ASRGL1: variants seen among roughly 807,000 people sequenced by gnomAD.
The protein encoded by ASRGL1 is isoaspartyl peptidase/L-asparaginase.
A neutral mutation model predicts 22.4 loss-of-function variants in ASRGL1; 16 were observed. The ratio of observed to expected loss-of-function variants is 0.71; its 90% CI spans 0.48 to 1.08. The LOEUF (loss-of-function observed/expected upper bound fraction) is 1.08, where lower values mean the gene tolerates loss of function less well. Ranked by LOEUF, ASRGL1 falls within the 50% of genes least tolerant of loss-of-function variation. The pLI, the probability that ASRGL1 is intolerant of heterozygous loss-of-function variation, is 0.00. For missense variants in ASRGL1, 412 were observed against 410.1 expected (o/e 1.00, Z -0.04); for synonymous variants, 165 against 159.3 (o/e 1.04, Z -0.27).
chr11:62,340,662 G>A (rs547279773), intron 2 of ASRGL1, among the ~76,000 whole-genome samples: 50 of 152,186 alleles, frequency 3.3e-4, no homozygotes, highest in Non-Finnish European at 5.4e-4. Context: ...CCTCTATTCC[G>A]CATATTGAGG....
rs1394552734 is a variant in ASRGL1, at chr11:62,373,180, C to T, written c.492-15953C>T. ...TACAGCCCCCAAACCCTCTGATGCT[C>T]CCAGAGACTCCTCCGACTCCACACC... On this transcript the variant is annotated intron_variant, in intron 4 of 6. Coordinates refer to ENST00000415229, the MANE Select transcript of ASRGL1 (RefSeq NM_001083926.2). 4.8e-5 allele frequency: 53 copies of T among 1,110,238 alleles called. 1 individual carries two copies. The Middle Eastern group carries it at 8.4e-4, about 18-fold the overall frequency. 68.8% of individuals were successfully genotyped at this position (1,110,238 alleles called of 1,614,324 possible).
intron 2 of ASRGL1, among the ~76,000 whole-genome samples, chr11:62,338,943 AAAAAAACT>A (rs1489082539): frequency 6.6e-6 from 1 of 151,590 alleles, no homozygotes; most frequent in Non-Finnish European, 1.5e-5. Context: ...AAAAAAAAAA[AAAAAAACT>A]GAAAAAAGAA....
intron 2 of ASRGL1, among the ~76,000 whole-genome samples, chr11:62,352,653 G>A (rs770922850): frequency 6.6e-6 from 1 of 152,176 alleles, no homozygotes; most frequent in Non-Finnish European, 1.5e-5. Context: ...TACAATCTGA[G>A]AGTATCTTGG....
At chr11:62,346,671 A>C (rs1207973038) in intron 2 of ASRGL1, among the ~76,000 whole-genome samples, 3 of 152,078 alleles carry the variant, frequency 2.0e-5, no homozygotes, top group Non-Finnish European at 2.9e-5. Flanking sequence ...CTTTTCCTAC[A>C]CTTAAGATAA....
At chr11:62,387,565 A>G (rs1260919939) in intron 4 of ASRGL1, among the ~76,000 whole-genome samples, 1 of 152,190 alleles carries the variant, frequency 6.6e-6, no homozygotes, top group African/African-American at 2.4e-5. Context: ...TGCACATGGC[A>G]GGCATGTTTG....
In ASRGL1 at chr11:62,361,803, A is replaced by G. The variant is rs1370518277; in HGVS notation, c.491+4659A>G. Among the ~76,000 whole-genome samples the G allele has an allele frequency of 3.3e-5, 5 of 152,050 alleles. No homozygotes were observed. The East Asian group carries it at 9.6e-4, about 29-fold the overall frequency. On this transcript the variant is annotated intron_variant, in intron 4 of 6. Transcript: ENST00000415229. Reference sequence around the variant, plus strand: ...GCCCAGCCCAAAGTTTTTTAATAAAATAGTTACTCAGTTCAACTAGAGTGT... The same window carrying G: ...GCCCAGCCCAAAGTTTTTTAATAAAGTAGTTACTCAGTTCAACTAGAGTGT...
intron 2 of ASRGL1, among the ~76,000 whole-genome samples, chr11:62,347,932 T>G (rs954344917): frequency 6.6e-6 from 1 of 151,930 alleles, no homozygotes; most frequent in African/African-American, 2.4e-5. Context: ...ATCTAAAAAA[T>G]AAAAAAATTG....
downstream of ASRGL1, among the ~76,000 whole-genome samples, chr11:62,396,199 CAG>C (rs957878272): frequency 4.0e-5 from 6 of 150,992 alleles, no homozygotes; most frequent in African/African-American, 1.5e-4. Context: ...GGCAGAAGGA[CAG>C]AGGCAGAACC....
intron 4 of ASRGL1, among the ~76,000 whole-genome samples, chr11:62,361,190 TTTTG>T (rs1331601707): frequency 7.2e-6 from 1 of 139,076 alleles, no homozygotes; most frequent in Non-Finnish European, 1.5e-5. Flanking sequence ...TTTTGTGGGG[TTTTG>T]TTTTTTTGTT....
intron 4 of ASRGL1, among the ~76,000 whole-genome samples, chr11:62,368,346 T>C (rs1230900202): frequency 6.6e-6 from 1 of 152,110 alleles, no homozygotes; most frequent in Admixed American, 6.6e-5. Flanking sequence ...GGACTACTGT[T>C]TTACACCTAC....
chr11:62,344,097 C>G (rs1479382384), intron 2 of ASRGL1, among the ~76,000 whole-genome samples: 1 of 151,798 alleles, frequency 6.6e-6, no homozygotes, highest in Non-Finnish European at 1.5e-5. Flanking sequence ...GGGGTTTCAT[C>G]ATGTTGGCCA....
rs937465820 is a variant in ASRGL1 at position 62,392,453 on chromosome 11, C to T, written c.*169C>T. 14 of 805,646 alleles carry T rather than the reference C, an allele frequency of 1.7e-5. No homozygotes were observed. The highest frequency in any genetic ancestry group is 2.7e-5 in the East Asian group (1 of 37,242). The allele number at this position is 805,646 out of a possible 1,614,324, so 49.9% of individuals were successfully genotyped here. A position where few individuals can be genotyped will look rare whatever the true frequency, so the allele number is the denominator to read the frequency against. ...TTTGGTTGTGGGGCGGGTTCTGAAGCGATGAGAGAAATGCCCGTATTAGGA... is the reference window on the plus strand; with the variant it reads ...TTTGGTTGTGGGGCGGGTTCTGAAGTGATGAGAGAAATGCCCGTATTAGGA... On this transcript the variant is annotated 3_prime_UTR_variant, in exon 7 of 7. Transcript: ENST00000415229.
At chr11:62,355,380 C>A (rs1946258691) in intron 2 of ASRGL1, among the ~76,000 whole-genome samples, 1 of 152,032 alleles carries the variant, frequency 6.6e-6, no homozygotes, top group African/African-American at 2.4e-5. Context: ...TGCGGGCCAC[C>A]ATGCCTGGCT....
intron 2 of ASRGL1, among the ~76,000 whole-genome samples, chr11:62,355,766 C>T (rs920819485): frequency 2.6e-5 from 4 of 151,928 alleles, no homozygotes; most frequent in Non-Finnish European, 4.4e-5. Flanking sequence ...GAGGACCCTG[C>T]GGCCTTCCGC....
intron 4 of ASRGL1, among the ~76,000 whole-genome samples, chr11:62,379,814 A>G (rs928960995): frequency 1.3e-5 from 2 of 152,174 alleles, no homozygotes; most frequent in Non-Finnish European, 2.9e-5. Flanking sequence ...CCTGAGGAAC[A>G]AAGGGCTGAA....
chr11:62,391,382 C>T lies in ASRGL1; in HGVS notation c.611-140C>T, dbSNP rs572318205. On this transcript the variant is annotated intron_variant, in intron 5 of 6. Transcript: ENST00000415229. The stretch of plus-strand genomic sequence containing the variant: ...ACGCTTTCTAGTCCACCTTTGCCTC[C>T]GCAGATCATGGCTACTAACCTGACC... 6.7e-4 allele frequency: 865 copies of T among 1,286,232 alleles called. 1 individual carries two copies. The highest frequency in any genetic ancestry group is 8.3e-4 in the Non-Finnish European group (799 of 962,588). 79.7% of individuals were successfully genotyped at this position (1,286,232 alleles called of 1,614,324 possible).
chr11:62,374,855 C>T (rs546324924), intron 4 of ASRGL1, among the ~76,000 whole-genome samples: 1 of 152,304 alleles, frequency 6.6e-6, no homozygotes, highest in South Asian at 2.1e-4. Flanking sequence ...CACCCCAAAA[C>T]CACCATCTCT....
intron 4 of ASRGL1, 80 bp downstream of exon 4, chr11:62,357,224 C>CTTTTGTTTCG: frequency 1.4e-6 from 1 of 726,128 alleles, no homozygotes; most frequent in East Asian, 3.1e-5. Context: ...ATCTACAGTT[C>CTTTTGTTTCG]TTTTGTTTTG....
intron 5 of ASRGL1, chr11:62,389,807 C>CT: frequency 5.5e-6 from 1 of 182,768 alleles, no homozygotes; most frequent in East Asian, 1.5e-4. Flanking sequence ...TCCGTGCAGA[C>CT]TTTCACACTT....
Sources: allele counts gnomAD v4.1 joint callset (sites outside exome capture counted in the v4.1 genomes callset), GRCh38; gene constraint gnomAD v4.1.1; transcripts MANE v1.5; gene names NCBI Gene and HGNC (gene_info 2026-07-23, HGNC 2026-07-21).